CRLS1: variants seen among roughly 807,000 people sequenced by gnomAD.
The protein encoded by CRLS1 is cardiolipin synthase 1, also known as cardiolipin synthase (CMP-forming).
A neutral mutation model predicts 37.0 loss-of-function variants in CRLS1; 24 were observed. The observed-to-expected ratio is 0.65, with a 90% CI of 0.47 to 0.91. The LOEUF (loss-of-function observed/expected upper bound fraction) is 0.91. Among genes scored for constraint, CRLS1 ranks in the 40% least tolerant of loss-of-function variants. CRLS1 has a pLI of 0.00. For synonymous variants in CRLS1, 135 were observed against 159.7 expected (o/e 0.85, Z 1.17); for missense variants, 373 against 395.8 (o/e 0.94, Z 0.49).
In CRLS1 at chr20:6,006,354, G is replaced by T. The variant is rs1555792409; in HGVS notation, c.108G>T (p.Pro36=). 1 of 1,385,408 alleles carries T rather than the reference G, an allele frequency of 7.2e-7. No homozygotes were observed. Among genetic ancestry groups the T allele is most frequent in the East Asian group, 3.1e-5 (1 of 31,768 alleles). 85.8% of individuals were successfully genotyped at this position (1,385,408 alleles called of 1,614,324 possible). Residue 36 remains proline (P), a synonymous_variant, in exon 1 of 7, where the codon CCG becomes CCT. Transcript: ENST00000378863. ...GACGCGCCTGCTGGGCCCTGCTGCCGCCCGTGCCCTGCTGCTTGGGCTGCC... is the reference window on the plus strand; with the variant it reads ...GACGCGCCTGCTGGGCCCTGCTGCCTCCCGTGCCCTGCTGCTTGGGCTGCC... The part of the protein sequence containing the change: ...SKRRACWALL[P]PVPCCLGCLA...
At chr20:6,018,216 C>CAAAAAAAAAAA (rs57874755) in intron 3 of CRLS1, among the ~76,000 whole-genome samples, 1 of 78,352 alleles carries the variant, frequency 1.3e-5, no homozygotes, top group Non-Finnish European at 2.3e-5. Context: ...ACTCTGTCCT[C>CAAAAAAAAAAA]AAAAAAAAAA....
chr20:6,032,609 G>A (rs1332874704), intron 5 of CRLS1, among the ~76,000 whole-genome samples: 8 of 152,174 alleles, frequency 5.3e-5, no homozygotes, highest in African/African-American at 1.9e-4. Flanking sequence ...AGGATTGATA[G>A]TTAAGTGGAA....
intron 2 of CRLS1, among the ~76,000 whole-genome samples, chr20:6,012,608 G>A (rs776106578): frequency 2.6e-5 from 4 of 152,128 alleles, no homozygotes; most frequent in African/African-American, 4.8e-5. Flanking sequence ...ACTTGAGTAG[G>A]GCAGAGTTTA....
chr20:6,008,775 C>G (rs1243605725), intron 1 of CRLS1, among the ~76,000 whole-genome samples: 2 of 152,148 alleles, frequency 1.3e-5, no homozygotes, highest in Non-Finnish European at 2.9e-5. Flanking sequence ...ATTTAGCATT[C>G]TTTAGATATG....
In CRLS1 at chr20:6,037,236, T is replaced by C; in HGVS notation, c.*78T>C. 1 of 1,020,012 alleles carries C rather than the reference T, an allele frequency of 9.8e-7. No homozygotes were observed. 63.2% of individuals were successfully genotyped at this position (1,020,012 alleles called of 1,614,324 possible). ...GGGCCCATGGAAATGTACAGGAGTT[T>C]CCCTATTTTGGTGTTCAGCTTGAAA... On this transcript the variant is annotated 3_prime_UTR_variant, in exon 7 of 7. Transcript: ENST00000378863.
rs6139899 is a variant in CRLS1, at chr20:6,038,835, A to G, written c.*1677A>G. ...GGAGTGACCTATGGGTTGGACCCAT[A>G]TCTTTTTATTATTAAGGTCTCAATC... On this transcript the variant is annotated 3_prime_UTR_variant, in exon 7 of 7. Coordinates refer to ENST00000378863, the MANE Select transcript of CRLS1 (RefSeq NM_019095.6). 72,855 of 152,090 alleles carry G rather than the reference A, an allele frequency of 0.48. 17,821 individuals carry two copies. Among genetic ancestry groups the G allele is most frequent in the East Asian group, 0.58 (2,990 of 5,156 alleles). 9.4% of individuals were successfully genotyped at this position (152,090 alleles called of 1,614,324 possible). A position where few individuals can be genotyped will look rare whatever the true frequency, so the allele number is the denominator to read the frequency against.
chr20:6,025,640 A>G (rs1330500927), intron 3 of CRLS1, among the ~76,000 whole-genome samples: 1 of 152,232 alleles, frequency 6.6e-6, no homozygotes. Context: ...GGATCTGGGC[A>G]AAGTAAATTG....
At chr20:6,024,954 A>C (rs1447514992) in intron 3 of CRLS1, among the ~76,000 whole-genome samples, 2 of 152,210 alleles carry the variant, frequency 1.3e-5, no homozygotes, top group Non-Finnish European at 2.9e-5. Context: ...AAAAGTTGGA[A>C]GCTAGCCAAC....
intron 5 of CRLS1, among the ~76,000 whole-genome samples, chr20:6,033,655 CCTT>C (rs757269136): frequency 5.9e-5 from 9 of 151,818 alleles, no homozygotes; most frequent in Non-Finnish European, 1.2e-4. Context: ...CTCATTTCCT[CCTT>C]GAGAGAGGTT....
intron 3 of CRLS1, among the ~76,000 whole-genome samples, chr20:6,016,715 A>T (rs1978784333): frequency 6.6e-6 from 1 of 152,186 alleles, no homozygotes; most frequent in Admixed American, 6.5e-5. Flanking sequence ...AGTTTTACTT[A>T]TATGATTGGT....
rs551691115 is a variant in CRLS1, at chr20:6,021,426, T to G, written c.574+5936T>G. ...GAATATGAATTAGAATTGTTACGTC[T>G]TCTTGGTGAAGTGAATGTTTTGTTA... On this transcript the variant is annotated intron_variant, in intron 3 of 6. Transcript: ENST00000378863. Among the ~76,000 whole-genome samples the G allele has an allele frequency of 2.8e-4, 43 of 152,316 alleles. No homozygotes were observed. In the South Asian group the frequency reaches 7.9e-3, roughly 28 times the overall value.
At chr20:6,030,441 C>T (rs1359202669) in intron 3 of CRLS1, among the ~76,000 whole-genome samples, 1 of 152,002 alleles carries the variant, frequency 6.6e-6, no homozygotes, top group Non-Finnish European at 1.5e-5. Context: ...CAATATTTCA[C>T]GCTGGGCACA....
Position 6,006,482 on chromosome 20 carries a change from C to T in CRLS1, c.236C>T (p.Pro79Leu). ...GGCGCGGGGAAGGCGGCTCCCAGGC[C>T]AGCGGCCGGAGCGGGCGCCGCTGCC... ...CSGAGKAAPR[P>L]AAGAGAAAEA... Residue 79 changes from proline (P) to leucine (L), a missense_variant, in exon 1 of 7, where the codon CCA becomes CTA. Pro to Leu is a moderately conservative substitution (Grantham distance 98). Coordinates refer to ENST00000378863, the MANE Select transcript of CRLS1 (RefSeq NM_019095.6). 7.2e-7 allele frequency: 1 copy of T among 1,382,910 alleles called. No individual in the cohort carries two copies. Among genetic ancestry groups the T allele is most frequent in the Middle Eastern group, 2.6e-4 (1 of 3,796 alleles). The allele number at this position is 1,382,910 out of a possible 1,614,324, so 85.7% of individuals were successfully genotyped here.
At position 6,039,950 on chromosome 20, in the gene CRLS1, G is replaced by A. The variant is rs1980867144; in HGVS notation, c.*2792G>A. On this transcript the variant is annotated 3_prime_UTR_variant, in exon 7 of 7. Transcript: ENST00000378863. ...TGATTTGGGATTTCCGGCCTGAACTGTAGGAAAATAAATTTCTGTTCTTTT... is the reference window on the plus strand; with the variant it reads ...TGATTTGGGATTTCCGGCCTGAACTATAGGAAAATAAATTTCTGTTCTTTT... 1 of 152,182 alleles carries A rather than the reference G, an allele frequency of 6.6e-6. No individual in the cohort carries two copies. Among genetic ancestry groups the A allele is most frequent in the East Asian group, 1.9e-4 (1 of 5,202 alleles). The allele number at this position is 152,182 out of a possible 1,614,324, so 9.4% of individuals were successfully genotyped here.
chr20:6,016,885 C>A (rs1978799398), intron 3 of CRLS1, among the ~76,000 whole-genome samples: 1 of 152,202 alleles, frequency 6.6e-6, no homozygotes, highest in African/African-American at 2.4e-5. Flanking sequence ...TGGAGTGTGG[C>A]AGCCAGATTT....
intron 1 of CRLS1, chr20:6,006,776 C>A: frequency 1.0e-6 from 1 of 985,378 alleles, no homozygotes; most frequent in Non-Finnish European, 1.2e-6. Context: ...ATCCTCTCAT[C>A]CCCCTTCTAT....
intron 3 of CRLS1, among the ~76,000 whole-genome samples, chr20:6,019,813 C>T (rs1979104603): frequency 6.6e-6 from 1 of 151,532 alleles, no homozygotes; most frequent in African/African-American, 2.4e-5. Context: ...AGGTGTGTGC[C>T]ACCATACTTG....
rs148108006 is a variant in CRLS1, at chr20:6,031,358, T to G, written c.648T>G (p.Thr216=). The part of the protein sequence containing the change: ...IAAVFYVRYR[T]LPTPRTLAKY... ...CTGTTTTTTATGTCAGATACCGAAC[T>G]CTTCCAACACCAGTGAGTTTGTTTC... Residue 216 remains threonine (T), a synonymous_variant, in exon 4 of 7, where the codon ACT becomes ACG. Coordinates refer to ENST00000378863, the MANE Select transcript of CRLS1 (RefSeq NM_019095.6). The G allele has an allele frequency of 3.4e-4, 546 of 1,606,716 alleles. 3 individuals carry two copies. In the African/African-American group the frequency reaches 6.5e-3, roughly 19 times the overall value.
intron 3 of CRLS1, among the ~76,000 whole-genome samples, chr20:6,025,394 A>G (rs760020310): frequency 1.3e-5 from 2 of 152,226 alleles, no homozygotes; most frequent in Non-Finnish European, 2.9e-5. Context: ...TTTTAAGCCT[A>G]CAATTGAGAC....
Sources: gnomAD v4.1 joint callset for allele counts (sites outside exome capture counted in the v4.1 genomes callset) on GRCh38, gnomAD v4.1.1 for gene constraint, MANE v1.5 for transcripts, NCBI Gene and HGNC (gene_info 2026-07-23, HGNC 2026-07-21) for gene names.